Variants in ERMP1 observed in about 807,000 individuals in gnomAD.
The protein encoded by ERMP1 is endoplasmic reticulum metallopeptidase 1, also known as Felix-ina.
A neutral mutation model predicts 92.0 loss-of-function variants in ERMP1; 86 were observed. That is an observed-to-expected ratio of 0.93 (90% confidence interval 0.79 to 1.12). The LOEUF is 1.12. Among genes scored for constraint, ERMP1 ranks in the 50% most tolerant of loss-of-function variants. ERMP1 has a pLI of 0.00. For synonymous variants in ERMP1, 530 were observed against 412.8 expected (o/e 1.28, Z -3.44); for missense variants, 1,342 against 1,116.3 (o/e 1.20, Z -2.88).
At chr9:5,842,331 C>T (rs1365049630) in intron 6 of ERMP1, among the ~76,000 whole-genome samples, 1 of 151,282 alleles carries the variant, frequency 6.6e-6, no homozygotes, top group East Asian at 1.9e-4. Flanking sequence ...AATCCTTTAG[C>T]TAGACAGAGA....
intron 4 of ERMP1, among the ~76,000 whole-genome samples, chr9:5,817,141 G>A (rs1300712207): frequency 2.6e-5 from 4 of 151,830 alleles, no homozygotes; most frequent in East Asian, 3.9e-4. Context: ...CTCGTGATCC[G>A]CCTGCCTCGG....
intron 8 of ERMP1, among the ~76,000 whole-genome samples, chr9:5,806,671 C>T (rs1046389748): frequency 7.9e-5 from 12 of 152,056 alleles, no homozygotes; most frequent in African/African-American, 2.9e-4. Flanking sequence ...AACACCTGGC[C>T]TCAAGCAGTC....
intron 8 of ERMP1, among the ~76,000 whole-genome samples, chr9:5,808,547 CAT>C (rs1400397888): frequency 6.6e-6 from 1 of 152,180 alleles, no homozygotes; most frequent in Non-Finnish European, 1.5e-5. Flanking sequence ...ATACCAAAGA[CAT>C]ACTTGTGGAA....
intron 13 of ERMP1, among the ~76,000 whole-genome samples, chr9:5,794,430 A>G (rs1004947875): frequency 3.3e-5 from 5 of 152,120 alleles, no homozygotes; most frequent in Non-Finnish European, 7.4e-5. Context: ...TAACTAGAAC[A>G]GAACTCAATA....
At position 5,811,144 on chromosome 9, in the gene ERMP1, G is replaced by C. The variant is rs139768756; in HGVS notation, c.1294C>G (p.Leu432Val). 1.2e-4 allele frequency: 192 copies of C among 1,613,604 alleles called. No homozygotes were observed. In the African/African-American group the frequency reaches 2.2e-3, roughly 19 times the overall value. Residue 432 changes from leucine (L) to valine (V), a missense_variant, in exon 7 of 15, where the codon CTG becomes GTG. Leu to Val is a conservative substitution (Grantham distance 32, BLOSUM62 1). Transcript: ENST00000339450. ...TTGGGCTGCAAAAATTTTTTGCCCA[G>C]GTACAAAACAACACCCATTACCACC... Reference protein sequence around the residue: ...YMVVMGVVLYLGKKFLQPKHK... With the variant: ...YMVVMGVVLYVGKKFLQPKHK...
In ERMP1 at chr9:5,785,596, G is replaced by C. The variant is rs1430497349; in HGVS notation, c.*1548C>G. 6.6e-6 allele frequency: 1 copy of C among 152,558 alleles called. No individual in the cohort carries two copies. The highest frequency in any genetic ancestry group is 1.5e-5 in the Non-Finnish European group (1 of 68,050). The allele number at this position is 152,558 out of a possible 1,614,324, so 9.5% of individuals were successfully genotyped here. On this transcript the variant is annotated 3_prime_UTR_variant, in exon 15 of 15. Transcript: ENST00000339450. ...TTAGTTTTTAGGGAGTCACAGATTA[G>C]GCAGGCAACGAGGGGCATGATTTAA...
chr9:5,814,351 T>C (rs150557783), intron 4 of ERMP1, among the ~76,000 whole-genome samples: 3 of 152,328 alleles, frequency 2.0e-5, no homozygotes, highest in African/African-American at 7.2e-5. Context: ...TAGCAACATA[T>C]TGACTGATGT....
At chr9:5,833,362 C>G (rs182326081), upstream of ERMP1, among the ~76,000 whole-genome samples, 14 of 152,296 alleles carry the variant, frequency 9.2e-5, no homozygotes, top group South Asian at 2.1e-4. Context: ...AAAGAACACA[C>G]AAGGCTCTTA....
intron 6 of ERMP1, among the ~76,000 whole-genome samples, chr9:5,842,450 A>G (rs7037991): frequency 0.13 from 17,869 of 136,480 alleles, 1,228 homozygotes; most frequent in African/African-American, 0.14. Context: ...AAAAAAAAAA[A>G]GAAAGAAAAG....
intron 3 of ERMP1, 137 bp from the exon 4 acceptor site, chr9:5,824,138 T>A: frequency 1.5e-6 from 1 of 659,728 alleles, no homozygotes; most frequent in Non-Finnish European, 2.6e-6. Context: ...AAAGGCAGTA[T>A]CCAAAGACAT....
chr9:5,850,191 T>C (rs534296612), intron 6 of ERMP1, among the ~76,000 whole-genome samples: 42 of 151,560 alleles, frequency 2.8e-4, no homozygotes, highest in Non-Finnish European at 5.5e-4. Flanking sequence ...TTGCTAGAAA[T>C]AGAGAATTCC....
rs748615944 is a variant in ERMP1, at chr9:5,830,832, A to G, written c.535T>C (p.Tyr179His). ...ACAACATTGGTGATGTTGTCATAAT[A>G]GCTTGTAAAACCTCCCAAGAAATCA... ...SIDFLGGFTS[Y>H]YDNITNVVVK... The change falls in exon 2 of 15, where the codon TAT (tyrosine) becomes CAT (histidine). Residue 179 changes from tyrosine (Y) to histidine (H), a missense_variant. Tyr to His is a moderately conservative substitution (Grantham distance 83, BLOSUM62 2). Coordinates refer to ENST00000339450, the MANE Select transcript of ERMP1 (RefSeq NM_024896.3). 25 of 1,613,924 alleles carry G rather than the reference A, an allele frequency of 1.5e-5. No homozygotes were observed. The highest frequency in any genetic ancestry group is 1.9e-5 in the Non-Finnish European group (23 of 1,179,896).
intron 6 of ERMP1, among the ~76,000 whole-genome samples, chr9:5,854,671 G>C (rs768036911): frequency 6.6e-6 from 1 of 151,982 alleles, no homozygotes; most frequent in Non-Finnish European, 1.5e-5. Flanking sequence ...GACTACAGGC[G>C]TGCGTCACCA....
chr9:5,820,569 C>G (rs941206291), intron 4 of ERMP1, among the ~76,000 whole-genome samples: 1 of 152,314 alleles, frequency 6.6e-6, no homozygotes, highest in South Asian at 2.1e-4. Context: ...AAAATCAAGT[C>G]ATTCTTTCTG....
At chr9:5,835,527 AG>A (rs1830085587), upstream of ERMP1, among the ~76,000 whole-genome samples, 1 of 152,232 alleles carries the variant, frequency 6.6e-6, no homozygotes, top group Non-Finnish European at 1.5e-5. Context: ...AGTGAGGAAC[AG>A]GGCCACATAA....
At chr9:5,787,996 G>C (rs1828014610) in intron 13 of ERMP1, among the ~76,000 whole-genome samples, 1 of 152,174 alleles carries the variant, frequency 6.6e-6, no homozygotes, top group Admixed American at 6.6e-5. Context: ...TTTCAGAGTT[G>C]ATCATGTAAC....
At chr9:5,819,176 C>A (rs556617983) in intron 4 of ERMP1, among the ~76,000 whole-genome samples, 1 of 152,172 alleles carries the variant, frequency 6.6e-6, no homozygotes, top group East Asian at 1.9e-4. Context: ...AAATATCCAT[C>A]GATGGATGAA....
chr9:5,814,916 C>A (rs1829244147), intron 4 of ERMP1, among the ~76,000 whole-genome samples: 1 of 151,878 alleles, frequency 6.6e-6, no homozygotes, highest in Non-Finnish European at 1.5e-5. Flanking sequence ...TAAAAGAGTC[C>A]TACAAATGGA....
chr9:5,854,281 T>A (rs563793459), intron 6 of ERMP1, among the ~76,000 whole-genome samples: 1 of 152,200 alleles, frequency 6.6e-6, no homozygotes, highest in East Asian at 1.9e-4. Context: ...AGAGTGAATC[T>A]TTGGAATAGA....
Sources: gnomAD v4.1 joint callset for allele counts (sites outside exome capture counted in the v4.1 genomes callset) on GRCh38, gnomAD v4.1.1 for gene constraint, MANE v1.5 for transcripts, NCBI Gene and HGNC (gene_info 2026-07-23, HGNC 2026-07-21) for gene names.